Variants in ZNF804B observed in about 807,000 individuals in gnomAD.
ZNF804B encodes the protein zinc finger protein 804B.
A neutral mutation model predicts 101.4 loss-of-function variants in ZNF804B; 80 were observed. The observed-to-expected ratio is 0.79, with a 90% CI of 0.66 to 0.95. ZNF804B has a LOEUF of 0.95. ZNF804B is among the 40% of genes least tolerant of loss of function. The probability of loss-of-function intolerance (pLI) is 0.00; values close to 1 mark genes in which losing one functional copy is unlikely to be tolerated. For synonymous variants in ZNF804B, 622 were observed against 558.8 expected, an observed-to-expected ratio of 1.11 and a Z score of -1.59; for missense variants, 1,673 against 1,561.9, an observed-to-expected ratio of 1.07 and a Z score of -1.20.
At chr7:88,781,664 A>G (rs1266113039) in intron 1 of ZNF804B, among the ~76,000 whole-genome samples, 1 of 152,174 alleles carries the variant, frequency 6.6e-6, no homozygotes, top group Non-Finnish European at 1.5e-5. Flanking sequence ...GTACTCATTC[A>G]ATTTACAAAA....
chr7:89,136,702 CTTTTT>C (rs1452769789), intron 1 of ZNF804B, among the ~76,000 whole-genome samples: 1 of 150,618 alleles, frequency 6.6e-6, no homozygotes, highest in Non-Finnish European at 1.5e-5. Context: ...AGAATTTTTT[CTTTTT>C]AAGGCTGAAT....
Position 88,805,963 on chromosome 7 carries a change from C to CT in ZNF804B, c.108+45893dup, listed in dbSNP as rs35873026. On this transcript the variant is annotated intron_variant, in intron 1 of 3. Coordinates refer to ENST00000333190, the MANE Select transcript of ZNF804B (RefSeq NM_181646.5). Reference sequence around the variant, plus strand: ...CTGAAATATAGATAATAGCTTTGTGCTTTTTTTTTTTTTTCCTAACTCAGG... The same window carrying CT: ...CTGAAATATAGATAATAGCTTTGTGCTTTTTTTTTTTTTTTCCTAACTCAGG... Among the ~76,000 whole-genome samples the CT allele has an allele frequency of 9.8e-3, 1,419 of 144,122 alleles. 7 individuals carry two copies. Among genetic ancestry groups the CT allele is most frequent in the Middle Eastern group, 0.015 (4 of 272 alleles). 94.5% of individuals were successfully genotyped at this position (144,122 alleles called of 152,430 possible).
chr7:89,176,261 C>T (rs1791316769), intron 1 of ZNF804B, among the ~76,000 whole-genome samples: 1 of 151,838 alleles, frequency 6.6e-6, no homozygotes, highest in Non-Finnish European at 1.5e-5. Flanking sequence ...GAGGTATGTT[C>T]ATTCCATACC....
intron 1 of ZNF804B, among the ~76,000 whole-genome samples, chr7:88,866,374 A>G (rs1405656673): frequency 1.3e-5 from 2 of 152,128 alleles, no homozygotes; most frequent in East Asian, 3.9e-4. Context: ...GGCTGGGTTT[A>G]TAACTTGTCT....
intron 1 of ZNF804B, among the ~76,000 whole-genome samples, chr7:88,899,159 T>C (rs1281034496): frequency 6.6e-6 from 1 of 152,204 alleles, no homozygotes; most frequent in East Asian, 1.9e-4. Context: ...ATTCCTAAGA[T>C]GTTCAAGGTT....
At chr7:89,289,420 G>GT (rs1468092048) in intron 2 of ZNF804B, among the ~76,000 whole-genome samples, 2 of 152,112 alleles carry the variant, frequency 1.3e-5, no homozygotes, top group Non-Finnish European at 2.9e-5. Context: ...ACAGTATCTG[G>GT]TTTTAAATTA....
intron 1 of ZNF804B, among the ~76,000 whole-genome samples, chr7:88,814,999 G>A (rs1422973971): frequency 6.7e-6 from 1 of 149,458 alleles, no homozygotes; most frequent in Non-Finnish European, 1.5e-5. Flanking sequence ...AAATTTCTTG[G>A]TTTAAAAATA....
intron 1 of ZNF804B, among the ~76,000 whole-genome samples, chr7:89,108,193 G>A (rs905720992): frequency 6.6e-6 from 1 of 150,746 alleles, no homozygotes; most frequent in South Asian, 2.1e-4. Flanking sequence ...CTCTTTGTGG[G>A]CATTAGTTAT....
intron 2 of ZNF804B, among the ~76,000 whole-genome samples, chr7:89,268,425 T>A (rs1291109940): frequency 6.6e-6 from 1 of 152,162 alleles, no homozygotes; most frequent in Non-Finnish European, 1.5e-5. Context: ...TAGACTTCTT[T>A]AGAGTCTCTT....
intron 1 of ZNF804B, among the ~76,000 whole-genome samples, chr7:88,877,805 C>G (rs976318320): frequency 1.3e-5 from 2 of 152,016 alleles, no homozygotes; most frequent in African/African-American, 4.8e-5. Flanking sequence ...TTTACATTCA[C>G]TCAGAACCAG....
intron 1 of ZNF804B, among the ~76,000 whole-genome samples, chr7:89,028,722 A>G (rs6969593): frequency 0.064 from 9,718 of 152,178 alleles, 447 homozygotes; most frequent in Non-Finnish European, 0.1. Context: ...GATTTTAGTC[A>G]ACTACTTATG....
intron 1 of ZNF804B, among the ~76,000 whole-genome samples, chr7:89,012,803 C>G (rs1394504227): frequency 6.6e-6 from 1 of 152,158 alleles, no homozygotes; most frequent in African/African-American, 2.4e-5. Flanking sequence ...ATTTTTACAG[C>G]CAACGCCCCA....
intron 1 of ZNF804B, among the ~76,000 whole-genome samples, chr7:88,901,109 T>C (rs934371848): frequency 6.6e-6 from 1 of 151,824 alleles, no homozygotes; most frequent in African/African-American, 2.4e-5. Flanking sequence ...ACAGTGAAAA[T>C]TGACTTTTTT....
chr7:89,298,738 A>C lies in ZNF804B; in HGVS notation c.250-28606A>C, dbSNP rs142000192. Among the ~76,000 whole-genome samples, 664 of 152,042 alleles carry C rather than the reference A, an allele frequency of 4.4e-3. 4 individuals carry two copies. The highest frequency in any genetic ancestry group is 0.015 in the African/African-American group (637 of 41,490). On this transcript the variant is annotated intron_variant, in intron 2 of 3. Transcript: ENST00000333190. ...ATTTGGTGCATATGTATTTTCATAT[A>C]TATATTTTTAGTAAATAGAAACAGA...
At chr7:88,830,445 C>T (rs962424997) in intron 1 of ZNF804B, among the ~76,000 whole-genome samples, 10 of 151,882 alleles carry the variant, frequency 6.6e-5, no homozygotes, top group Non-Finnish European at 1.3e-4. Context: ...TTTTGAAACC[C>T]GTGTTTTTCA....
chr7:89,074,569 T>TGGGG (rs1275542183), intron 1 of ZNF804B, among the ~76,000 whole-genome samples: 4 of 152,334 alleles, frequency 2.6e-5, no homozygotes, highest in Non-Finnish European at 5.9e-5. Context: ...CCATGCCATG[T>TGGGG]GGAACTATAA....
chr7:88,785,300 C>T (rs1415572612), intron 1 of ZNF804B, among the ~76,000 whole-genome samples: 1 of 151,904 alleles, frequency 6.6e-6, no homozygotes, highest in Admixed American at 6.6e-5. Context: ...ATTCTATTTT[C>T]AGACAAATAC....
intron 1 of ZNF804B, among the ~76,000 whole-genome samples, chr7:89,058,237 G>T (rs1562872908): frequency 6.6e-6 from 1 of 152,058 alleles, no homozygotes; most frequent in Non-Finnish European, 1.5e-5. Context: ...GGGATATTTT[G>T]AAACTGCTTA....
rs190975309 is a variant in ZNF804B at position 88,789,005 on chromosome 7, A to C, written c.108+28921A>C. 3.1e-3 allele frequency among the ~76,000 whole-genome samples: 476 copies of C among 152,272 alleles called. 1 individual carries two copies. Among genetic ancestry groups the C allele is most frequent in the Non-Finnish European group, 5.0e-3 (341 of 68,000 alleles). ...CTTAAATAAAATATATTTGGTCTAAATTGTATGGAAAATCTCTTTTACATT... is the reference window on the plus strand; with the variant it reads ...CTTAAATAAAATATATTTGGTCTAACTTGTATGGAAAATCTCTTTTACATT... On this transcript the variant is annotated intron_variant, in intron 1 of 3. Coordinates refer to ENST00000333190, the MANE Select transcript of ZNF804B (RefSeq NM_181646.5).
Sources: allele counts gnomAD v4.1 joint callset (sites outside exome capture counted in the v4.1 genomes callset), GRCh38; gene constraint gnomAD v4.1.1; transcripts MANE v1.5; gene names NCBI Gene and HGNC (gene_info 2026-07-23, HGNC 2026-07-21).